The following RAD51C variants were observed in gnomAD, a reference collection of about 807,000 sequenced individuals.
RAD51C encodes the protein RAD51 paralog C, also known as DNA repair protein RAD51 homolog 3.
A neutral mutation model predicts 45.0 loss-of-function variants in RAD51C; 42 were observed. That is an observed-to-expected ratio of 0.93 (90% CI 0.73 to 1.21). RAD51C has a LOEUF of 1.21. Ranked by LOEUF, RAD51C falls within the 50% of genes most tolerant of loss-of-function variation. The pLI is 0.00. For synonymous variants in RAD51C, 172 were observed against 159.8 expected, an observed-to-expected ratio of 1.08 and a Z score of -0.58; for missense variants, 474 against 452.2, an observed-to-expected ratio of 1.05 and a Z score of -0.44.
At chr17:58,720,165 G>C (rs927401652) in intron 5 of RAD51C, among the ~76,000 whole-genome samples, 1 of 151,068 alleles carries the variant, frequency 6.6e-6, no homozygotes, top group Non-Finnish European at 1.5e-5. Context: ...TGTAATACCA[G>C]CACTTTGGGA....
At chr17:58,705,553 C>T (rs1263648755) in intron 4 of RAD51C, among the ~76,000 whole-genome samples, 2 of 152,078 alleles carry the variant, frequency 1.3e-5, no homozygotes, top group African/African-American at 4.8e-5. Flanking sequence ...AAGATGTTCT[C>T]GATCTCCTGA....
intron 7 of RAD51C, among the ~76,000 whole-genome samples, chr17:58,727,118 C>A (rs552196092): frequency 4.6e-5 from 7 of 151,542 alleles, no homozygotes; most frequent in Non-Finnish European, 8.8e-5. Context: ...CCGCACCCGG[C>A]CTTATAAACT....
chr17:58,723,082 C>T (rs574373490), intron 6 of RAD51C, among the ~76,000 whole-genome samples: 110 of 152,256 alleles, frequency 7.2e-4, no homozygotes, highest in Middle Eastern at 6.8e-3. Context: ...CAACTGCCCT[C>T]TTTGCCCTCC....
chr17:58,726,443 GATGTATATACA>G (rs2049132809), intron 7 of RAD51C, among the ~76,000 whole-genome samples: 2 of 150,658 alleles, frequency 1.3e-5, no homozygotes, highest in Non-Finnish European at 3.0e-5. Context: ...TATACGTATA[GATGTATATACA>G]TATGTATATA....
chr17:58,728,765 C>T (rs2049276709), intron 7 of RAD51C, among the ~76,000 whole-genome samples: 3 of 152,146 alleles, frequency 2.0e-5, no homozygotes, highest in Admixed American at 2.0e-4. Flanking sequence ...TCTCATGCCC[C>T]AGCCCCTGTC....
chr17:58,705,394 C>T (rs1215209997), intron 4 of RAD51C, among the ~76,000 whole-genome samples: 2 of 151,002 alleles, frequency 1.3e-5, no homozygotes, highest in South Asian at 2.1e-4. Context: ...AGTGCAATGG[C>T]GTGATCTCAG....
intron 1 of RAD51C, 190 bp from the exon 2 acceptor site, chr17:58,694,741 C>T (rs1399304863): frequency 1.6e-6 from 1 of 637,682 alleles, no homozygotes; most frequent in Non-Finnish European, 2.7e-6. Flanking sequence ...TCCCAAAGTA[C>T]TGGGATTTTA....
rs774685897 is a variant in RAD51C at position 58,692,661 on chromosome 17, C to T, written c.18C>T (p.Phe6=). The T allele has an allele frequency of 1.2e-6, 2 of 1,614,196 alleles. No homozygotes were observed. Among genetic ancestry groups the T allele is most frequent in the African/African-American group, 1.3e-5 (1 of 75,062 alleles). Residue 6 remains phenylalanine (F), a synonymous_variant, in exon 1 of 9, where the codon TTC becomes TTT. Coordinates refer to ENST00000337432, the MANE Select transcript of RAD51C (RefSeq NM_058216.3). ...AGCCTGCGATGCGCGGGAAGACGTT[C>T]CGCTTTGAAATGCAGCGGGATTTGG... MRGKT[F]RFEMQRDLVS...
At chr17:58,710,093 G>A (rs1167783652) in intron 5 of RAD51C, 103 bp downstream of exon 5, 11 of 1,333,474 alleles carry the variant, frequency 8.2e-6, no homozygotes, top group East Asian at 2.4e-5. Flanking sequence ...AAATAATATA[G>A]ACATGCAGTT....
At chr17:58,693,183 G>T in intron 1 of RAD51C, 1 of 249,320 alleles carries the variant, frequency 4.0e-6, no homozygotes, top group Non-Finnish European at 8.0e-6. Context: ...AATTTTTGCT[G>T]TTCCAAGATC....
At chr17:58,696,171 G>A (rs565843900) in intron 2 of RAD51C, among the ~76,000 whole-genome samples, 11 of 151,974 alleles carry the variant, frequency 7.2e-5, no homozygotes, top group African/African-American at 2.7e-4. Flanking sequence ...AGTGGCTGAC[G>A]CTTGTAATCC....
chr17:58,696,484 T>C (rs762523165), intron 2 of RAD51C, among the ~76,000 whole-genome samples: 1 of 152,220 alleles, frequency 6.6e-6, no homozygotes, highest in Non-Finnish European at 1.5e-5. Context: ...TTTATAGGCA[T>C]GCCCTCCCCG....
chr17:58,701,129 G>A (rs1030771954), intron 3 of RAD51C, among the ~76,000 whole-genome samples: 2 of 151,798 alleles, frequency 1.3e-5, no homozygotes, highest in East Asian at 2.0e-4. Flanking sequence ...TTGAACTCAC[G>A]GGCTCAAGAG....
chr17:58,697,335 A>C (rs921904114), intron 3 of RAD51C, among the ~76,000 whole-genome samples: 1 of 152,178 alleles, frequency 6.6e-6, no homozygotes, highest in Middle Eastern at 3.2e-3. Context: ...CAGGAGTTCA[A>C]GACCAGCCTG....
rs747962411 is a variant in RAD51C, at chr17:58,692,619, T to C, written c.-25T>C. On this transcript the variant is annotated 5_prime_UTR_variant, in exon 1 of 9. Coordinates refer to ENST00000337432, the MANE Select transcript of RAD51C (RefSeq NM_058216.3). ...GCGAGGGCGTGCGGAGTTTGGCTGC[T>C]CCGGGGTTAGCAGGTGAGCCTGCGA... The C allele has an allele frequency of 7.4e-6, 12 of 1,613,218 alleles. No homozygotes were observed. Among genetic ancestry groups the C allele is most frequent in the South Asian group, 2.2e-5 (2 of 91,010 alleles).
At chr17:58,698,528 CA>C (rs1237967288) in intron 3 of RAD51C, among the ~76,000 whole-genome samples, 2 of 151,188 alleles carry the variant, frequency 1.3e-5, no homozygotes, top group African/African-American at 4.9e-5. Flanking sequence ...GGGGTTTCAC[CA>C]TATAGGCAAG....
intron 1 of RAD51C, 93 bp downstream of exon 1, chr17:58,692,881 C>G (rs1423495650): frequency 1.1e-5 from 18 of 1,576,872 alleles, no homozygotes; most frequent in South Asian, 1.1e-4. Flanking sequence ...GCCCAGTCTC[C>G]GTTAGATTCT....
At chr17:58,728,400 T>C (rs2049257831) in intron 7 of RAD51C, among the ~76,000 whole-genome samples, 2 of 113,904 alleles carry the variant, frequency 1.8e-5, no homozygotes, top group Non-Finnish European at 3.5e-5. Context: ...TCTTTTTTTT[T>C]TTTCTTTTTT....
intron 7 of RAD51C, 101 bp downstream of exon 7, chr17:58,724,201 G>A (rs1598511622): frequency 1.7e-6 from 2 of 1,162,210 alleles, no homozygotes. Context: ...GAGATATACA[G>A]TGACCCATGA....
Sources: gnomAD v4.1 joint callset for allele counts (sites outside exome capture counted in the v4.1 genomes callset) on GRCh38, gnomAD v4.1.1 for gene constraint, MANE v1.5 for transcripts, NCBI Gene and HGNC (gene_info 2026-07-23, HGNC 2026-07-21) for gene names.